MDGA2: variants seen among roughly 807,000 people sequenced by gnomAD.
The protein encoded by MDGA2 is MAM domain containing glycosylphosphatidylinositol anchor 2.
In MDGA2, 40 loss-of-function variants were observed where a neutral mutation model predicts 117.8. That is an observed-to-expected ratio of 0.34 (90% CI 0.26 to 0.44). The LOEUF (loss-of-function observed/expected upper bound fraction) is 0.44. Ranked by LOEUF, MDGA2 falls within the 20% of genes least tolerant of loss-of-function variation. MDGA2 has a pLI of 1.00. For missense variants in MDGA2, 1,123 were observed against 1,250.6 expected (o/e 0.90, Z 1.54); for synonymous variants, 452 against 439.0 (o/e 1.03, Z -0.37).
intron 5 of MDGA2, among the ~76,000 whole-genome samples, chr14:47,106,568 T>A (rs1406505474): frequency 1.8e-4 from 27 of 152,130 alleles, no homozygotes; most frequent in Admixed American, 1.8e-3. Flanking sequence ...TCAACTCACC[T>A]GGCAGCCACT....
At chr14:47,179,651 A>C (rs979530164) in intron 3 of MDGA2, among the ~76,000 whole-genome samples, 42 of 152,052 alleles carry the variant, frequency 2.8e-4, no homozygotes, top group Non-Finnish European at 6.0e-4. Flanking sequence ...ACATCACATA[A>C]AAGTATTTAA....
chr14:47,531,370 C>A (rs1160454061), intron 1 of MDGA2, among the ~76,000 whole-genome samples: 1 of 152,146 alleles, frequency 6.6e-6, no homozygotes, highest in Non-Finnish European at 1.5e-5. Context: ...AATGAGGATA[C>A]AAGACGCACA....
intron 3 of MDGA2, among the ~76,000 whole-genome samples, chr14:47,160,128 G>C (rs896573980): frequency 6.6e-6 from 1 of 152,092 alleles, no homozygotes; most frequent in Non-Finnish European, 1.5e-5. Context: ...CTTCCACAAC[G>C]AGTTGAACCC....
chr14:47,002,948 T>C (rs772214690), intron 8 of MDGA2, among the ~76,000 whole-genome samples: 39 of 152,072 alleles, frequency 2.6e-4, no homozygotes, highest in Admixed American at 4.6e-4. Flanking sequence ...TTAGAGAACA[T>C]GTCCATCAAC....
At chr14:47,617,440 G>A (rs924145250) in intron 1 of MDGA2, among the ~76,000 whole-genome samples, 5 of 152,070 alleles carry the variant, frequency 3.3e-5, no homozygotes, top group Admixed American at 2.6e-4. Flanking sequence ...CTGACCCCAG[G>A]TGATCCACCC....
At chr14:47,001,557 A>G (rs557050726) in intron 8 of MDGA2, among the ~76,000 whole-genome samples, 1 of 152,134 alleles carries the variant, frequency 6.6e-6, no homozygotes, top group Non-Finnish European at 1.5e-5. Context: ...AGACTTTTCA[A>G]ATAAGAAAGG....
In MDGA2 at chr14:46,855,189, C is replaced by G; in HGVS notation, c.2753-35G>C. The G allele has an allele frequency of 6.4e-7, 1 of 1,565,350 alleles. No homozygotes were observed. The highest frequency in any genetic ancestry group is 8.6e-7 in the Non-Finnish European group (1 of 1,156,622). On this transcript the variant is annotated intron_variant, in intron 14 of 16. Transcript: ENST00000399232. The surrounding 1 kb of genome is among the most constrained non-coding windows in gnomAD (Gnocchi z 4.1). ...ACAATAAAATTTTATTTTGCATATT[C>G]ATTTTCACCTCAAATTTGTTTTTCC...
intron 1 of MDGA2, among the ~76,000 whole-genome samples, chr14:47,543,736 A>C (rs895567098): frequency 5.3e-5 from 8 of 152,216 alleles, no homozygotes; most frequent in African/African-American, 1.9e-4. Context: ...AAAATCTATA[A>C]ATCATCAAGG....
intron 1 of MDGA2, among the ~76,000 whole-genome samples, chr14:47,568,977 A>C (rs1043688929): frequency 1.3e-5 from 2 of 151,660 alleles, no homozygotes; most frequent in Non-Finnish European, 2.9e-5. Context: ...ACAGAGTCTC[A>C]GTATGTTGCC....
chr14:47,211,255 C>T (rs1885872431), intron 3 of MDGA2, among the ~76,000 whole-genome samples: 1 of 152,082 alleles, frequency 6.6e-6, no homozygotes, highest in South Asian at 2.1e-4. Flanking sequence ...TTGGCCTTCC[C>T]TACTACTCTG....
intron 7 of MDGA2, among the ~76,000 whole-genome samples, chr14:47,036,526 T>G (rs1246895146): frequency 6.6e-6 from 1 of 152,182 alleles, no homozygotes; most frequent in Non-Finnish European, 1.5e-5. Context: ...TGAATTCAAA[T>G]GCATTTGTGC....
chr14:47,048,356 T>C (rs932133102), intron 7 of MDGA2, among the ~76,000 whole-genome samples: 4 of 152,106 alleles, frequency 2.6e-5, no homozygotes, highest in African/African-American at 9.7e-5. Flanking sequence ...AAAAGAAAGA[T>C]GCTTTAAAGT....
chr14:47,339,470 G>T (rs1890555828), intron 1 of MDGA2, among the ~76,000 whole-genome samples: 1 of 151,982 alleles, frequency 6.6e-6, no homozygotes, highest in Admixed American at 6.6e-5. Context: ...GGAGGTGTTT[G>T]GGTCATGGGG....
chr14:47,293,531 A>C (rs1222261336), intron 2 of MDGA2, among the ~76,000 whole-genome samples: 1 of 152,238 alleles, frequency 6.6e-6, no homozygotes, highest in Non-Finnish European at 1.5e-5. Context: ...GTTAAATGTA[A>C]GTATATAGTG....
intron 1 of MDGA2, among the ~76,000 whole-genome samples, chr14:47,639,132 A>G (rs958964174): frequency 6.6e-6 from 1 of 152,052 alleles, no homozygotes; most frequent in African/African-American, 2.4e-5. Flanking sequence ...TTCTCATCTT[A>G]TTTTATATTT....
rs576318320 is a variant in MDGA2, at chr14:47,482,808, A to G, written c.281-181258T>C. Reference sequence around the variant, plus strand: ...TACCAAGATGTCACTAGCAGAGGTGATAAAAATTCTAGATGTATTCTGGAG... The same window carrying G: ...TACCAAGATGTCACTAGCAGAGGTGGTAAAAATTCTAGATGTATTCTGGAG... On this transcript the variant is annotated intron_variant, in intron 1 of 16. Transcript: ENST00000399232. Among the ~76,000 whole-genome samples, 12 of 152,132 alleles carry G rather than the reference A, an allele frequency of 7.9e-5. No homozygotes were observed. The East Asian group carries it at 2.3e-3, about 29-fold the overall frequency.
chr14:47,393,362 T>C (rs1891938185), intron 1 of MDGA2, among the ~76,000 whole-genome samples: 2 of 148,988 alleles, frequency 1.3e-5, no homozygotes, highest in Admixed American at 1.4e-4. Flanking sequence ...TTCAAACTTT[T>C]CTTCAATTTT....
Position 47,007,508 on chromosome 14 carries a change from T to C in MDGA2, c.1819+27503A>G, listed in dbSNP as rs112004294. Reference sequence around the variant, plus strand: ...AAGGCTATTTTAGTATACATTAAAATTTTACCGTATCTCCTTAGGTGTGAG... The same window carrying C: ...AAGGCTATTTTAGTATACATTAAAACTTTACCGTATCTCCTTAGGTGTGAG... On this transcript the variant is annotated intron_variant, in intron 8 of 16. Coordinates refer to ENST00000399232, the MANE Select transcript of MDGA2 (RefSeq NM_001113498.3). Among the ~76,000 whole-genome samples the C allele has an allele frequency of 2.7e-3, 412 of 151,830 alleles. 1 individual carries two copies. The highest frequency in any genetic ancestry group is 9.3e-3 in the African/African-American group (387 of 41,488).
At chr14:46,931,564 C>G (rs1884579379) in intron 9 of MDGA2, among the ~76,000 whole-genome samples, 1 of 144,016 alleles carries the variant, frequency 6.9e-6, no homozygotes, top group African/African-American at 2.6e-5. Context: ...GCTCTGTCAC[C>G]CAGGCTGGAT....
Sources: gnomAD v4.1 joint callset for allele counts (sites outside exome capture counted in the v4.1 genomes callset) on GRCh38, gnomAD v4.1.1 for gene constraint, Gnocchi (gnomAD v3.1) non-coding constraint, MANE v1.5 for transcripts, NCBI Gene and HGNC (gene_info 2026-07-23, HGNC 2026-07-21) for gene names.